Variants in ZNF804A observed in about 807,000 individuals in gnomAD.
The protein encoded by ZNF804A is zinc finger protein 804A.
ZNF804A carries 2 observed loss-of-function variants against 16.5 expected under a neutral mutation model. The ratio of observed to expected loss-of-function variants is 0.12; its 90% CI spans 0.05 to 0.38. The LOEUF is 0.38. Ranked by LOEUF, ZNF804A falls within the 10% of genes least tolerant of loss-of-function variation. The pLI, the probability that ZNF804A is intolerant of heterozygous loss-of-function variation, is 0.99. For synonymous variants in ZNF804A, 534 were observed against 489.6 expected (o/e 1.09, Z -1.20); for missense variants, 1,473 against 1,390.7 (o/e 1.06, Z -0.94).
At chr2:184,691,705 A>AG (rs1692731908) in intron 1 of ZNF804A, among the ~76,000 whole-genome samples, 1 of 151,800 alleles carries the variant, frequency 6.6e-6, no homozygotes, top group African/African-American at 2.4e-5. Context: ...CTTTTAATAT[A>AG]GGTAAGGGAA....
At chr2:184,671,835 A>G (rs1472244054) in intron 1 of ZNF804A, among the ~76,000 whole-genome samples, 1 of 152,222 alleles carries the variant, frequency 6.6e-6, no homozygotes, top group South Asian at 2.1e-4. Context: ...ATTTCAGTCC[A>G]ATGAAATGTT....
At chr2:184,764,652 T>A (rs1444983852) in intron 1 of ZNF804A, among the ~76,000 whole-genome samples, 2 of 152,216 alleles carry the variant, frequency 1.3e-5, no homozygotes, top group Non-Finnish European at 2.9e-5. Context: ...TACAGGCACA[T>A]CTTCATTGCC....
chr2:184,845,855 A>T (rs1695505125), intron 1 of ZNF804A, among the ~76,000 whole-genome samples: 1 of 152,106 alleles, frequency 6.6e-6, no homozygotes, highest in South Asian at 2.1e-4. Context: ...GGCCACGGTC[A>T]GCCTATAGCA....
At chr2:184,881,423 C>A (rs987467748) in intron 2 of ZNF804A, among the ~76,000 whole-genome samples, 1 of 151,784 alleles carries the variant, frequency 6.6e-6, no homozygotes, top group Non-Finnish European at 1.5e-5. Context: ...ATGCAGAGAA[C>A]AAGATACTAC....
intron 1 of ZNF804A, among the ~76,000 whole-genome samples, chr2:184,729,380 A>G (rs927637872): frequency 6.6e-6 from 1 of 151,890 alleles, no homozygotes; most frequent in Non-Finnish European, 1.5e-5. Flanking sequence ...AGTAAGAAAT[A>G]CCTCATGATC....
chr2:184,637,924 C>A (rs999523153), intron 1 of ZNF804A, among the ~76,000 whole-genome samples: 3 of 152,082 alleles, frequency 2.0e-5, no homozygotes, highest in Non-Finnish European at 2.9e-5. Context: ...ATATTCTGAA[C>A]CCCTGGGAAA....
intron 1 of ZNF804A, among the ~76,000 whole-genome samples, chr2:184,745,632 G>A (rs1286962937): frequency 6.6e-6 from 1 of 151,422 alleles, no homozygotes; most frequent in Non-Finnish European, 1.5e-5. Flanking sequence ...ATAAACTCAT[G>A]CATATTTAAT....
intron 1 of ZNF804A, among the ~76,000 whole-genome samples, chr2:184,820,946 G>C (rs1391483195): frequency 6.6e-6 from 1 of 152,078 alleles, no homozygotes; most frequent in African/African-American, 2.4e-5. Context: ...GACATTCGAT[G>C]CTCATGGATA....
intron 1 of ZNF804A, among the ~76,000 whole-genome samples, chr2:184,848,242 A>C (rs1695549871): frequency 6.6e-6 from 1 of 152,048 alleles, no homozygotes; most frequent in Non-Finnish European, 1.5e-5. Context: ...ATCACTTGGG[A>C]GAATCCAAAC....
chr2:184,647,927 G>A (rs572947439), intron 1 of ZNF804A, among the ~76,000 whole-genome samples: 14 of 152,128 alleles, frequency 9.2e-5, no homozygotes, highest in African/African-American at 1.7e-4. Context: ...ACCAAAGGAC[G>A]TAGTCATCAA....
intron 1 of ZNF804A, among the ~76,000 whole-genome samples, chr2:184,722,745 T>C (rs1296909627): frequency 1.3e-5 from 2 of 152,034 alleles, no homozygotes; most frequent in Non-Finnish European, 2.9e-5. Flanking sequence ...TGAAATGTCA[T>C]TTATCTTTTC....
chr2:184,827,833 A>G (rs1695189158), intron 1 of ZNF804A, among the ~76,000 whole-genome samples: 1 of 151,672 alleles, frequency 6.6e-6, no homozygotes, highest in South Asian at 2.1e-4. Context: ...GGTGTATAAT[A>G]CCCATTACTG....
intron 1 of ZNF804A, among the ~76,000 whole-genome samples, chr2:184,741,561 A>G (rs1234795106): frequency 6.6e-6 from 1 of 152,094 alleles, no homozygotes; most frequent in Non-Finnish European, 1.5e-5. Context: ...CCCCTAGCTA[A>G]ATAAAGATGA....
intron 1 of ZNF804A, among the ~76,000 whole-genome samples, chr2:184,785,352 A>G (rs17431258): frequency 0.05 from 7,641 of 152,164 alleles, 251 homozygotes; most frequent in Middle Eastern, 0.078. Context: ...GCTTAAGTGC[A>G]ATTAATGTAA....
chr2:184,634,355 A>G (rs1194404381), intron 1 of ZNF804A, among the ~76,000 whole-genome samples: 1 of 152,198 alleles, frequency 6.6e-6, no homozygotes, highest in Non-Finnish European at 1.5e-5. Context: ...ATGTCCACAT[A>G]TTAATCCCTG....
At chr2:184,900,954 C>A (rs1014163996) in intron 2 of ZNF804A, among the ~76,000 whole-genome samples, 3 of 152,126 alleles carry the variant, frequency 2.0e-5, no homozygotes, top group Non-Finnish European at 4.4e-5. Context: ...GCAACCTAGT[C>A]GTAACTGGCC....
intron 1 of ZNF804A, among the ~76,000 whole-genome samples, chr2:184,662,514 G>A (rs1186532048): frequency 6.6e-6 from 1 of 152,088 alleles, no homozygotes; most frequent in Non-Finnish European, 1.5e-5. Flanking sequence ...ATAATACTTT[G>A]AAATATTTGA....
At chr2:184,757,912 T>C (rs938516664) in intron 1 of ZNF804A, among the ~76,000 whole-genome samples, 1 of 152,016 alleles carries the variant, frequency 6.6e-6, no homozygotes, top group African/African-American at 2.4e-5. Flanking sequence ...TTTCACTAAT[T>C]TTCTTGAAGG....
intron 1 of ZNF804A, among the ~76,000 whole-genome samples, chr2:184,604,696 G>A (rs1396705491): frequency 6.6e-5 from 10 of 152,106 alleles, no homozygotes; most frequent in African/African-American, 2.4e-4. Flanking sequence ...ATTTACTTAG[G>A]TTACTTTCCT....
Sources: allele counts gnomAD v4.1 joint callset (sites outside exome capture counted in the v4.1 genomes callset), GRCh38; gene constraint gnomAD v4.1.1; transcripts MANE v1.5; gene names NCBI Gene and HGNC (gene_info 2026-07-23, HGNC 2026-07-21).